RAB12: variants seen among roughly 807,000 people sequenced by gnomAD.
RAB12 encodes the protein ras-related protein Rab-12.
In RAB12, 11 loss-of-function variants were observed where a neutral mutation model predicts 28.4. The ratio of observed to expected loss-of-function variants is 0.39; its 90% CI spans 0.24 to 0.64. RAB12 has a LOEUF of 0.64. Ranked by LOEUF, RAB12 falls within the 30% of genes least tolerant of loss-of-function variation. The pLI, the probability that RAB12 is intolerant of heterozygous loss-of-function variation, is 0.50. For synonymous variants in RAB12, 138 were observed against 145.3 expected (o/e 0.95, Z 0.36); for missense variants, 276 against 351.1 (o/e 0.79, Z 1.71).
rs558590432 is a variant in RAB12, at chr18:8,617,890, A to G, written c.515-7048A>G. Among the ~76,000 whole-genome samples the G allele has an allele frequency of 3.3e-5, 5 of 152,328 alleles. No homozygotes were observed. In the East Asian group the frequency reaches 9.6e-4, roughly 29 times the overall value. On this transcript the variant is annotated intron_variant, in intron 1 of 5. Coordinates refer to ENST00000649141, the MANE Select transcript of RAB12 (RefSeq NM_001025300.3). ...TAGACAGTAATATATACCTCATAATATTGTTAATGAATATACACTGCAATA... is the reference window on the plus strand; with the variant it reads ...TAGACAGTAATATATACCTCATAATGTTGTTAATGAATATACACTGCAATA...
At chr18:8,613,965 CAGAG>C (rs796128834) in intron 1 of RAB12, among the ~76,000 whole-genome samples, 13 of 152,282 alleles carry the variant, frequency 8.5e-5, no homozygotes, top group African/African-American at 3.1e-4. Flanking sequence ...CGAGAAGTCT[CAGAG>C]AGGTAGAAAT....
rs1598315808 is a variant in RAB12 at position 8,639,144 on chromosome 18, G to GTTTTTTTTTGTTTT, written c.*884_*885insTTTTTTTGTTTTTT. The GTTTTTTTTTGTTTT allele has an allele frequency of 6.0e-5, 1 of 16,560 alleles. No homozygotes were observed. Among genetic ancestry groups the GTTTTTTTTTGTTTT allele is most frequent in the East Asian group, 2.3e-3 (1 of 426 alleles). The allele number at this position is 16,560 out of a possible 1,614,324, so 1.0% of individuals were successfully genotyped here. A position where few individuals can be genotyped will look rare whatever the true frequency, so the allele number is the denominator to read the frequency against. On this transcript the variant is annotated 3_prime_UTR_variant, in exon 6 of 6. Coordinates refer to ENST00000649141, the MANE Select transcript of RAB12 (RefSeq NM_001025300.3). Reference sequence around the variant, plus strand: ...CTTATTCTGATTAAGCCTAGACTGTGTTCTTTTTTTTTTTTTTTTTTTTTT... The same window carrying GTTTTTTTTTGTTTT: ...CTTATTCTGATTAAGCCTAGACTGTGTTTTTTTTTGTTTTTTCTTTTTTTTTTTTTTTTTTTTTT...
intron 1 of RAB12, among the ~76,000 whole-genome samples, chr18:8,617,871 G>A (rs1350633875): frequency 1.3e-5 from 2 of 152,238 alleles, no homozygotes; most frequent in Non-Finnish European, 2.9e-5. Context: ...AATATAGACA[G>A]TAATATATAC....
chr18:8,635,730 C>G, intron 4 of RAB12, 108 bp downstream of exon 4: 1 of 669,940 alleles, frequency 1.5e-6, no homozygotes, highest in Non-Finnish European at 2.4e-6. Context: ...ATTATCAATA[C>G]AGTGATAACT....
intron 1 of RAB12, among the ~76,000 whole-genome samples, chr18:8,613,758 T>A (rs2096005141): frequency 6.6e-6 from 1 of 152,168 alleles, no homozygotes; most frequent in South Asian, 2.1e-4. Flanking sequence ...TGTGGGTTCT[T>A]GCTCCAGGCT....
chr18:8,634,595 C>T (rs1437700616), intron 3 of RAB12, among the ~76,000 whole-genome samples: 3 of 152,146 alleles, frequency 2.0e-5, no homozygotes, highest in Non-Finnish European at 4.4e-5. Context: ...GAGTCTGTGC[C>T]CACCCAGGTC....
rs1227448718 is a variant in RAB12, at chr18:8,629,062, C to T, written c.575+4064C>T. ...TAGAAAAAATGCTTATTATTTTTAA[C>T]TTTTTAAAGAAATGGGGAATGTTTT... On this transcript the variant is annotated intron_variant, in intron 2 of 5. Transcript: ENST00000649141. 2.0e-5 allele frequency among the ~76,000 whole-genome samples: 3 copies of T among 152,072 alleles called. No individual in the cohort carries two copies. In the East Asian group the frequency reaches 5.8e-4, roughly 29 times the overall value.
intron 5 of RAB12, among the ~76,000 whole-genome samples, chr18:8,637,279 A>AG (rs1244525682): frequency 1.8e-5 from 1 of 56,770 alleles, no homozygotes; most frequent in African/African-American, 2.0e-4. Context: ...GTCTCTATTT[A>AG]AAAAAAAAAA....
intron 1 of RAB12, among the ~76,000 whole-genome samples, chr18:8,611,087 T>A (rs140652353): frequency 1.1e-3 from 164 of 152,330 alleles, no homozygotes; most frequent in African/African-American, 3.8e-3. Context: ...CTTACTTCCC[T>A]TAATGCTTTT....
chr18:8,637,929 G>T (rs1368299877), intron 5 of RAB12, among the ~76,000 whole-genome samples: 3 of 148,486 alleles, frequency 2.0e-5, no homozygotes, highest in Admixed American at 6.6e-5. Flanking sequence ...TGAGTAGGCT[G>T]AGGAGGAGGA....
At chr18:8,625,975 G>A (rs1006352563) in intron 2 of RAB12, among the ~76,000 whole-genome samples, 4 of 152,230 alleles carry the variant, frequency 2.6e-5, no homozygotes, top group Non-Finnish European at 5.9e-5. Flanking sequence ...CGCAGTGCCT[G>A]CCTTCTGGAG....
intron 2 of RAB12, among the ~76,000 whole-genome samples, chr18:8,627,829 CT>C (rs1179275270): frequency 1.3e-5 from 2 of 152,142 alleles, no homozygotes; most frequent in African/African-American, 4.8e-5. Flanking sequence ...AGCATCATTC[CT>C]TTTGTTCTCT....
At chr18:8,620,031 G>A (rs977073800) in intron 1 of RAB12, among the ~76,000 whole-genome samples, 2 of 151,928 alleles carry the variant, frequency 1.3e-5, no homozygotes, top group African/African-American at 2.4e-5. Context: ...GTACTCGGGA[G>A]GCTGAGGTGG....
intron 2 of RAB12, among the ~76,000 whole-genome samples, chr18:8,632,544 G>A (rs2096016618): frequency 2.0e-5 from 3 of 152,126 alleles, no homozygotes; most frequent in Admixed American, 2.0e-4. Context: ...AGTGGTCATC[G>A]TAAGCTGCCA....
intron 1 of RAB12, among the ~76,000 whole-genome samples, chr18:8,624,128 C>T (rs185423422): frequency 1.4e-4 from 22 of 152,372 alleles, no homozygotes; most frequent in African/African-American, 5.0e-4. Flanking sequence ...GTCAGGAAGT[C>T]GTTCCTGTAG....
intron 1 of RAB12, among the ~76,000 whole-genome samples, chr18:8,622,126 G>A (rs941553855): frequency 6.6e-6 from 1 of 152,156 alleles, no homozygotes. Context: ...AAGATTATCT[G>A]CTCTAGCTGT....
In RAB12 at chr18:8,638,501, G is replaced by T; in HGVS notation, c.*239G>T. The T allele has an allele frequency of 2.3e-6, 1 of 427,886 alleles. No individual in the cohort carries two copies. Among genetic ancestry groups the T allele is most frequent in the Non-Finnish European group, 4.2e-6 (1 of 236,688 alleles). 26.5% of individuals were successfully genotyped at this position (427,886 alleles called of 1,614,324 possible). A position where few individuals can be genotyped will look rare whatever the true frequency, so the allele number is the denominator to read the frequency against. ...CCAGTGTCTAGTGTACATACACTGG[G>T]AAACCTAGTACTTCTAATATGAAGA... On this transcript the variant is annotated 3_prime_UTR_variant, in exon 6 of 6. Coordinates refer to ENST00000649141, the MANE Select transcript of RAB12 (RefSeq NM_001025300.3).
At position 8,639,147 on chromosome 18, in the gene RAB12, CT is replaced by C. The variant is rs71165796; in HGVS notation, c.*930del. 6.2e-5 allele frequency: 1 copy of C among 16,042 alleles called. No homozygotes were observed. The highest frequency in any genetic ancestry group is 1.3e-4 in the Non-Finnish European group (1 of 7,590). 1.0% of individuals were successfully genotyped at this position (16,042 alleles called of 1,614,324 possible). ...ATTCTGATTAAGCCTAGACTGTGTTCTTTTTTTTTTTTTTTTTTTTTTTTTT... is the reference window on the plus strand; with the variant it reads ...ATTCTGATTAAGCCTAGACTGTGTTCTTTTTTTTTTTTTTTTTTTTTTTTT... On this transcript the variant is annotated 3_prime_UTR_variant, in exon 6 of 6. Transcript: ENST00000649141.
chr18:8,624,436 T>A (rs1370702106), intron 1 of RAB12, among the ~76,000 whole-genome samples: 1 of 152,248 alleles, frequency 6.6e-6, no homozygotes, highest in African/African-American at 2.4e-5. Flanking sequence ...GTTGATCATA[T>A]AATGTTATGT....
Sources: gnomAD v4.1 joint callset for allele counts (sites outside exome capture counted in the v4.1 genomes callset) on GRCh38, gnomAD v4.1.1 for gene constraint, MANE v1.5 for transcripts, NCBI Gene and HGNC (gene_info 2026-07-23, HGNC 2026-07-21) for gene names.